CLEC2A: variants seen among roughly 807,000 people sequenced by gnomAD.
CLEC2A encodes the protein keratinocyte-associated C-type lectin.
Under a neutral mutation model 18.6 loss-of-function variants are expected in CLEC2A, and 19 were observed. The ratio of observed to expected loss-of-function variants is 1.02; its 90% CI spans 0.71 to 1.50. The LOEUF (loss-of-function observed/expected upper bound fraction) is 1.50, where lower values mean the gene tolerates loss of function less well. Among genes scored for constraint, CLEC2A ranks in the 40% most tolerant of loss-of-function variants. CLEC2A has a pLI of 0.00. For missense variants in CLEC2A, 190 were observed against 207.9 expected, an observed-to-expected ratio of 0.91 and a Z score of 0.53; for synonymous variants, 74 against 64.0, an observed-to-expected ratio of 1.16 and a Z score of -0.75.
the CLEC2A span, chr12:9,884,973 T>C: frequency 7.4e-7 from 1 of 1,347,072 alleles, no homozygotes; most frequent in Non-Finnish European, 9.6e-7. Context: ...CTTCTGCTCA[T>C]ATTTGGATGC....
intron 3 of CLEC2A, among the ~76,000 whole-genome samples, chr12:9,919,953 C>CT (rs778215367): frequency 5.3e-5 from 8 of 152,190 alleles, no homozygotes; most frequent in Non-Finnish European, 1.0e-4. Context: ...AGTCTGGCCA[C>CT]TTTTTTGTAG....
At chr12:9,889,330 TC>T in the CLEC2A span, among the ~76,000 whole-genome samples, 1 of 152,234 alleles carries the variant, frequency 6.6e-6, no homozygotes, top group Admixed American at 6.5e-5. Flanking sequence ...AGGCAGTTTG[TC>T]AAATACCAGT....
chr12:9,890,914 C>T, the CLEC2A span, among the ~76,000 whole-genome samples: 4 of 152,292 alleles, frequency 2.6e-5, no homozygotes, highest in African/African-American at 9.6e-5. Flanking sequence ...TCTTAATATC[C>T]TCTAATAGTC....
the CLEC2A span, chr12:9,893,055 A>T: frequency 6.5e-7 from 1 of 1,535,838 alleles, no homozygotes; most frequent in East Asian, 2.4e-5. Flanking sequence ...CTGGCTGTTG[A>T]ACGAAGGGAA....
In CLEC2A at chr12:9,928,171, A is replaced by C. The variant is rs1863310007; in HGVS notation, c.56-1828T>G. 2.0e-5 allele frequency among the ~76,000 whole-genome samples: 3 copies of C among 152,206 alleles called. No homozygotes were observed. The South Asian group carries it at 6.2e-4, about 31-fold the overall frequency. ...AAAAGAAAATGATAAATTGAATTTA[A>C]TTGAAATTTAAGGGCTGGGCACAGT... On this transcript the variant is annotated intron_variant, in intron 1 of 4. Coordinates refer to ENST00000455827, the MANE Select transcript of CLEC2A (RefSeq NM_001130711.2).
the CLEC2A span, chr12:9,884,983 C>A: frequency 7.4e-7 from 1 of 1,345,518 alleles, no homozygotes; most frequent in South Asian, 1.9e-5. Flanking sequence ...TATTTGGATG[C>A]ATTGTGATCC....
At chr12:9,912,943 G>A (rs1863010143), downstream of CLEC2A, among the ~76,000 whole-genome samples, 1 of 151,966 alleles carries the variant, frequency 6.6e-6, no homozygotes, top group African/African-American at 2.4e-5. Context: ...ATTCCTACTT[G>A]TTCTGAAAGA....
chr12:9,902,767 C>T (rs890790306), intron 4 of CLEC2A, among the ~76,000 whole-genome samples: 3 of 152,148 alleles, frequency 2.0e-5, no homozygotes, highest in African/African-American at 7.2e-5. Context: ...CAGCCACCAT[C>T]GCAAGAGCAC....
chr12:9,888,264 G>T, the CLEC2A span, among the ~76,000 whole-genome samples: 6 of 151,826 alleles, frequency 4.0e-5, no homozygotes, highest in Non-Finnish European at 7.4e-5. Context: ...GCCGAGGCGG[G>T]CGGATCACGA....
chr12:9,881,596 A>G, the CLEC2A span: 40 of 1,529,512 alleles, frequency 2.6e-5, no homozygotes, highest in Non-Finnish European at 3.3e-5. Flanking sequence ...ATTTGAAGAG[A>G]TGGAGAATGA....
the CLEC2A span, among the ~76,000 whole-genome samples, chr12:9,884,361 A>G: frequency 6.6e-6 from 1 of 151,908 alleles, no homozygotes; most frequent in Non-Finnish European, 1.5e-5. Flanking sequence ...AGTCAAACCC[A>G]GAAAAATATA....
intron 3 of CLEC2A, among the ~76,000 whole-genome samples, chr12:9,920,115 T>C (rs529737447): frequency 1.3e-5 from 2 of 152,326 alleles, no homozygotes; most frequent in South Asian, 2.1e-4. Context: ...AATGCTGTTA[T>C]TGATGGCTGG....
At chr12:9,885,119 A>C in the CLEC2A span, 1 of 414,514 alleles carries the variant, frequency 2.4e-6, no homozygotes, top group Non-Finnish European at 4.1e-6. Context: ...TAAACTCTAC[A>C]CTGTAGTCCA....
chr12:9,895,260 C>T (rs1862743251), downstream of CLEC2A, among the ~76,000 whole-genome samples: 1 of 152,134 alleles, frequency 6.6e-6, no homozygotes, highest in African/African-American at 2.4e-5. Context: ...ATTATTTATG[C>T]TGCTATGTGG....
rs1019924432 is a variant in CLEC2A at position 9,932,197 on chromosome 12, G to C, written c.55+78C>G. 1.5e-5 allele frequency: 15 copies of C among 1,029,488 alleles called. No individual in the cohort carries two copies. In the African/African-American group the frequency reaches 2.4e-4, roughly 16 times the overall value. The allele number at this position is 1,029,488 out of a possible 1,614,324, so 63.8% of individuals were successfully genotyped here. ...TTAGTAGACTTTCACAGTAAGTAAA[G>C]AGTCCATATTTTTAAGCTGTCCTGT... On this transcript the variant is annotated intron_variant, in intron 1 of 4. Coordinates refer to ENST00000455827, the MANE Select transcript of CLEC2A (RefSeq NM_001130711.2).
chr12:9,904,560 T>A (rs989227025), intron 4 of CLEC2A, among the ~76,000 whole-genome samples: 1 of 152,142 alleles, frequency 6.6e-6, no homozygotes, highest in African/African-American at 2.4e-5. Flanking sequence ...GAGCCTGATA[T>A]GTTTGGGCAC....
At chr12:9,883,453 T>C in the CLEC2A span, among the ~76,000 whole-genome samples, 1 of 152,222 alleles carries the variant, frequency 6.6e-6, no homozygotes, top group Non-Finnish European at 1.5e-5. Flanking sequence ...ATATAGTATG[T>C]AAATCATGGC....
In CLEC2A at chr12:9,916,781, C is replaced by A; in HGVS notation, c.329G>T (p.Gly110Val). The change falls in exon 4 of 5, where the codon GGA (glycine) becomes GTA (valine). Residue 110 changes from glycine to valine, a missense_variant. Physicochemically the swap from Gly to Val is moderately radical, Grantham distance 109. Transcript: ENST00000455827. ...TAGTCCAATCCAGTGCATATCAGTT[C>A]CTGCGTACCTCTTCAAAAATTCCTT... ...EDMEFLKRYA[G>V]TDMHWIGLSR... 1 of 1,550,900 alleles carries A rather than the reference C, an allele frequency of 6.4e-7. No homozygotes were observed. Among genetic ancestry groups the A allele is most frequent in the Non-Finnish European group, 8.7e-7 (1 of 1,146,206 alleles).
intron 4 of CLEC2A, among the ~76,000 whole-genome samples, chr12:9,903,959 G>A (rs111363983): frequency 1.5e-3 from 226 of 152,268 alleles, no homozygotes; most frequent in African/African-American, 5.3e-3. Flanking sequence ...TGAAAGGGAT[G>A]GCCAGTTGGA....
Sources: gnomAD v4.1 joint callset for allele counts (sites outside exome capture counted in the v4.1 genomes callset) on GRCh38, gnomAD v4.1.1 for gene constraint, MANE v1.5 for transcripts, NCBI Gene and HGNC (gene_info 2026-07-23, HGNC 2026-07-21) for gene names.